Variants in TMEM50B observed in about 807,000 individuals in gnomAD.
TMEM50B encodes HCV p7-trans-regulated protein 3.
TMEM50B carries 14 observed loss-of-function variants against 23.4 expected under a neutral mutation model. That is an observed-to-expected ratio of 0.60 (90% CI 0.39 to 0.93). The LOEUF (loss-of-function observed/expected upper bound fraction) is 0.93, where lower values mean the gene tolerates loss of function less well. Ranked by LOEUF, TMEM50B falls within the 40% of genes least tolerant of loss-of-function variation. The pLI is 0.00. For missense variants in TMEM50B, 159 were observed against 193.0 expected (o/e 0.82, Z 1.04); for synonymous variants, 64 against 62.3 (o/e 1.03, Z -0.13).
intron 8 of TMEM50B, among the ~76,000 whole-genome samples, chr21:33,433,616 T>C (rs2083912530): frequency 6.6e-6 from 1 of 151,432 alleles, no homozygotes; most frequent in South Asian, 2.1e-4. Context: ...GGGAGGGAAG[T>C]GGGAAGTTCG....
chr21:33,467,791 T>C (rs2084277675), intron 2 of TMEM50B, among the ~76,000 whole-genome samples: 1 of 152,224 alleles, frequency 6.6e-6, no homozygotes, highest in South Asian at 2.1e-4. Context: ...CTTGCTCTGC[T>C]TCATTTCATT....
chr21:33,446,169 C>T (rs2084051099), downstream of TMEM50B, among the ~76,000 whole-genome samples: 1 of 152,090 alleles, frequency 6.6e-6, no homozygotes, highest in African/African-American at 2.4e-5. Flanking sequence ...TCCCTGTGTT[C>T]TATCTATTCT....
chr21:33,479,100 C>CCTTA, intron 1 of TMEM50B: 1 of 267,794 alleles, frequency 3.7e-6, no homozygotes, highest in Non-Finnish European at 7.5e-6. Context: ...TGAAAGGTCA[C>CCTTA]GTATTTACCT....
At chr21:33,470,819 G>A (rs1295283492) in intron 1 of TMEM50B, among the ~76,000 whole-genome samples, 2 of 152,002 alleles carry the variant, frequency 1.3e-5, no homozygotes, top group African/African-American at 4.8e-5. Context: ...GATCCCAGGA[G>A]GCAGAGGTTG....
At chr21:33,471,309 C>T (rs2084313356) in intron 1 of TMEM50B, among the ~76,000 whole-genome samples, 1 of 151,754 alleles carries the variant, frequency 6.6e-6, no homozygotes, top group South Asian at 2.1e-4. Flanking sequence ...ATGAAGATAA[C>T]AAAATTGACT....
intron 7 of TMEM50B, among the ~76,000 whole-genome samples, chr21:33,440,785 G>A (rs916836722): frequency 1.3e-5 from 2 of 152,046 alleles, no homozygotes; most frequent in Non-Finnish European, 2.9e-5. Flanking sequence ...AGGAGGCTGA[G>A]GCAGGAGAAT....
intron 2 of TMEM50B, among the ~76,000 whole-genome samples, chr21:33,467,506 C>T (rs1219871604): frequency 1.3e-5 from 2 of 152,180 alleles, no homozygotes; most frequent in East Asian, 3.9e-4. Context: ...CACCTGTAAT[C>T]CCAGCTACTT....
downstream of TMEM50B, among the ~76,000 whole-genome samples, chr21:33,447,692 A>ACT (rs2084076067): frequency 8.5e-5 from 9 of 106,316 alleles, no homozygotes; most frequent in African/African-American, 3.5e-4. Context: ...ACACACACAC[A>ACT]CACACACACA....
chr21:33,468,581 T>C (rs2084285410), intron 2 of TMEM50B: 2 of 485,532 alleles, frequency 4.1e-6, no homozygotes, highest in Middle Eastern at 3.7e-4. Context: ...AGAAAAGATA[T>C]TAAGTACACA....
chr21:33,436,103 A>C lies in TMEM50B; in HGVS notation c.*2120+3111T>G, dbSNP rs562228023. Among the ~76,000 whole-genome samples, 14 of 151,926 alleles carry C rather than the reference A, an allele frequency of 9.2e-5. 1 individual carries two copies. The East Asian group carries it at 2.7e-3, about 29-fold the overall frequency. Reference sequence around the variant, plus strand: ...CCGGGTGCAGTGGCTCACACCTGCAATCCCAGCACTTTGGGAGGCCGAGGC... The same window carrying C: ...CCGGGTGCAGTGGCTCACACCTGCACTCCCAGCACTTTGGGAGGCCGAGGC... On this transcript the variant is annotated intron_variant and NMD_transcript_variant, in intron 8 of 8. Coordinates refer to the TMEM50B transcript ENST00000420455.
chr21:33,439,734 CTAAT>C (rs1262314437), intron 7 of TMEM50B, among the ~76,000 whole-genome samples: 2 of 150,956 alleles, frequency 1.3e-5, no homozygotes, highest in African/African-American at 2.4e-5. Context: ...AAATAAATGA[CTAAT>C]TGATGGGATT....
chr21:33,436,364 A>G (rs1348235641), intron 8 of TMEM50B, among the ~76,000 whole-genome samples: 1 of 152,212 alleles, frequency 6.6e-6, no homozygotes, highest in Non-Finnish European at 1.5e-5. Flanking sequence ...GAATAAAAAG[A>G]AAAATAAGTT....
At chr21:33,464,692 C>T (rs1169475519) in intron 4 of TMEM50B, among the ~76,000 whole-genome samples, 1 of 150,066 alleles carries the variant, frequency 6.7e-6, no homozygotes, top group African/African-American at 2.4e-5. Context: ...GAAATCCCAG[C>T]TCTCGGGAGG....
intron 1 of TMEM50B, among the ~76,000 whole-genome samples, chr21:33,470,941 A>G (rs2084309901): frequency 1.3e-5 from 2 of 152,146 alleles, no homozygotes; most frequent in Non-Finnish European, 2.9e-5. Context: ...TGTTCCCCTT[A>G]GGAACCCCAT....
intron 1 of TMEM50B, among the ~76,000 whole-genome samples, chr21:33,473,117 A>G (rs1471711297): frequency 6.6e-6 from 1 of 152,044 alleles, no homozygotes; most frequent in African/African-American, 2.4e-5. Context: ...AACAAAGGAT[A>G]CTAGAAGACA....
chr21:33,447,675 T>C (rs2084075414), downstream of TMEM50B, among the ~76,000 whole-genome samples: 1 of 117,730 alleles, frequency 8.5e-6, no homozygotes, highest in South Asian at 2.9e-4. Context: ...GTCTTGTGTA[T>C]AGAAATACAC....
At chr21:33,436,935 G>A in intron 8 of TMEM50B, 1 of 1,613,984 alleles carries the variant, frequency 6.2e-7, no homozygotes, top group Non-Finnish European at 8.5e-7. Flanking sequence ...CGGAAAAGGA[G>A]CAAGAAGATG....
At chr21:33,436,002 A>G (rs892559015) in intron 8 of TMEM50B, among the ~76,000 whole-genome samples, 3 of 151,690 alleles carry the variant, frequency 2.0e-5, no homozygotes, top group African/African-American at 7.3e-5. Flanking sequence ...CGGAAGTTGC[A>G]GTGAGCCGAG....
chr21:33,475,683 G>A (rs1038141597), intron 1 of TMEM50B, among the ~76,000 whole-genome samples: 20 of 151,834 alleles, frequency 1.3e-4, no homozygotes, highest in African/African-American at 4.6e-4. Flanking sequence ...AGCTGGGTGC[G>A]GTGGCTTACT....
Sources: allele counts gnomAD v4.1 joint callset (sites outside exome capture counted in the v4.1 genomes callset), GRCh38; gene constraint gnomAD v4.1.1; transcripts MANE v1.5; gene names NCBI Gene and HGNC (gene_info 2026-07-23, HGNC 2026-07-21).